XYLT1: variants seen among roughly 807,000 people sequenced by gnomAD.
The protein encoded by XYLT1 is xylosyltransferase 1, also known as beta-D-xylosyltransferase 1.
In XYLT1, 36 loss-of-function variants were observed where a neutral mutation model predicts 91.3. That is an observed-to-expected ratio of 0.39 (90% CI 0.30 to 0.52). The LOEUF is 0.52. Ranked by LOEUF, XYLT1 falls within the 20% of genes least tolerant of loss-of-function variation. The pLI is 0.68. For synonymous variants in XYLT1, 588 were observed against 532.0 expected (o/e 1.11, Z -1.45); for missense variants, 1,242 against 1,284.5 (o/e 0.97, Z 0.51).
chr16:17,286,065 T>C (rs913327610), intron 2 of XYLT1, among the ~76,000 whole-genome samples: 3 of 152,156 alleles, frequency 2.0e-5, no homozygotes, highest in African/African-American at 7.2e-5. Flanking sequence ...AATCACTAAC[T>C]TTCATGATCT....
Position 17,350,808 on chromosome 16 carries a change from C to T in XYLT1, c.402+7204G>A, listed in dbSNP as rs556619623. Reference sequence around the variant, plus strand: ...GGAAAAGGTTAATCGAAGCCCAGAGCCGGAAGAACGGAGAGGAGACAGCAA... The same window carrying T: ...GGAAAAGGTTAATCGAAGCCCAGAGTCGGAAGAACGGAGAGGAGACAGCAA... On this transcript the variant is annotated intron_variant, in intron 2 of 11. Transcript: ENST00000261381. Among the ~76,000 whole-genome samples the T allele has an allele frequency of 2.6e-5, 4 of 152,136 alleles. No homozygotes were observed. The South Asian group carries it at 6.2e-4, about 24-fold the overall frequency.
At chr16:17,453,765 G>T (rs1390137762) in intron 1 of XYLT1, among the ~76,000 whole-genome samples, 1 of 152,142 alleles carries the variant, frequency 6.6e-6, no homozygotes, top group Non-Finnish European at 1.5e-5. Flanking sequence ...ATAAACAGAA[G>T]TCAATCAAAG....
intron 3 of XYLT1, among the ~76,000 whole-genome samples, chr16:17,246,731 G>T (rs1401422596): frequency 3.3e-5 from 5 of 152,302 alleles, no homozygotes; most frequent in Non-Finnish European, 7.4e-5. Context: ...GTGGGTTCTC[G>T]TGTCCTAGCC....
At chr16:17,305,159 C>T (rs1350556683) in intron 2 of XYLT1, among the ~76,000 whole-genome samples, 1 of 152,172 alleles carries the variant, frequency 6.6e-6, no homozygotes, top group South Asian at 2.1e-4. Context: ...AAAGCCATCC[C>T]AGTTCCCCAA....
At chr16:17,169,758 C>T (rs1257574848) in intron 5 of XYLT1, among the ~76,000 whole-genome samples, 1 of 152,184 alleles carries the variant, frequency 6.6e-6, no homozygotes, top group African/African-American at 2.4e-5. Context: ...TGCTTGTCCT[C>T]ACATGCCATG....
At chr16:17,334,800 G>A (rs994368545) in intron 2 of XYLT1, among the ~76,000 whole-genome samples, 10 of 151,504 alleles carry the variant, frequency 6.6e-5, no homozygotes, top group Non-Finnish European at 8.8e-5. Flanking sequence ...GGAGAATGGC[G>A]TGAACCTAGG....
intron 11 of XYLT1, among the ~76,000 whole-genome samples, chr16:17,111,139 G>A (rs1241148026): frequency 2.6e-5 from 4 of 152,094 alleles, no homozygotes; most frequent in Admixed American, 6.5e-5. Flanking sequence ...CAGCCTGGTC[G>A]ATAGAGTGAG....
At chr16:17,117,172 A>T (rs188465798) in intron 11 of XYLT1, among the ~76,000 whole-genome samples, 3 of 152,344 alleles carry the variant, frequency 2.0e-5, no homozygotes, top group Non-Finnish European at 4.4e-5. Context: ...CCAACTTCTG[A>T]TGAATAGCAT....
At position 17,456,256 on chromosome 16, in the gene XYLT1, T is replaced by G. The variant is rs557632638; in HGVS notation, c.363+14178A>C. 4.0e-4 allele frequency among the ~76,000 whole-genome samples: 61 copies of G among 152,020 alleles called. 1 individual carries two copies. Among genetic ancestry groups the G allele is most frequent in the Non-Finnish European group, 7.5e-4 (51 of 67,996 alleles). On this transcript the variant is annotated intron_variant, in intron 1 of 11. Coordinates refer to ENST00000261381, the MANE Select transcript of XYLT1 (RefSeq NM_022166.4). ...CACTCTGTACATTCTATGTGGTGGT[T>G]TGATCTTGGGCAATTCAGTTCACTC... is the stretch of plus-strand genomic sequence containing the variant.
Position 17,134,750 on chromosome 16 carries a change from T to A in XYLT1, c.1765-15A>T, listed in dbSNP as rs772678231. On this transcript the variant is annotated splice_polypyrimidine_tract_variant and intron_variant, in intron 8 of 11. Transcript: ENST00000261381. Reference sequence around the variant, plus strand: ...CGGGCTGTCTGCTGTACTCATGGGATTAAAAATAGAAAAGCCACATCAGCG... The same window carrying A: ...CGGGCTGTCTGCTGTACTCATGGGAATAAAAATAGAAAAGCCACATCAGCG... The A allele has an allele frequency of 1.9e-6, 3 of 1,611,292 alleles. No homozygotes were observed. In the South Asian group the frequency reaches 3.3e-5, roughly 18 times the overall value.
intron 1 of XYLT1, among the ~76,000 whole-genome samples, chr16:17,409,678 T>C (rs1356119933): frequency 6.6e-6 from 1 of 151,464 alleles, no homozygotes; most frequent in Non-Finnish European, 1.5e-5. Flanking sequence ...ACCTCCCGAG[T>C]AGCTGGGAGT....
At position 17,239,758 on chromosome 16, in the gene XYLT1, G is replaced by GTCCA. The variant is rs981267661; in HGVS notation, c.913+19226_913+19229dup. Among the ~76,000 whole-genome samples the GTCCA allele has an allele frequency of 1.5e-3, 227 of 148,984 alleles. 1 individual carries two copies. Among genetic ancestry groups the GTCCA allele is most frequent in the African/African-American group, 5.3e-3 (216 of 40,416 alleles). On this transcript the variant is annotated intron_variant, in intron 3 of 11. Coordinates refer to ENST00000261381, the MANE Select transcript of XYLT1 (RefSeq NM_022166.4). ...TTCCATCCATCCACCCACCCAGCCT[G>GTCCA]TCCATCCATCCATCCACCAACCACC...
chr16:17,344,774 C>T (rs1360365840), intron 2 of XYLT1, among the ~76,000 whole-genome samples: 11 of 151,686 alleles, frequency 7.3e-5, no homozygotes, highest in African/African-American at 2.7e-4. Context: ...GATCTTGGCT[C>T]ACTGCAACCT....
In XYLT1 at chr16:17,299,614, T is replaced by A. The variant is rs142665049; in HGVS notation, c.403-40116A>T. Among the ~76,000 whole-genome samples, 1,067 of 152,030 alleles carry A rather than the reference T, an allele frequency of 7.0e-3. 17 individuals are homozygous for A. Among genetic ancestry groups the A allele is most frequent in the African/African-American group, 0.024 (977 of 41,446 alleles). ...TAGCTGAGGTCGCCATATGTGGGAGTTGATTTAGCCTTGACTCTGCCATAG... is the reference window on the plus strand; with the variant it reads ...TAGCTGAGGTCGCCATATGTGGGAGATGATTTAGCCTTGACTCTGCCATAG... On this transcript the variant is annotated intron_variant, in intron 2 of 11. Coordinates refer to ENST00000261381, the MANE Select transcript of XYLT1 (RefSeq NM_022166.4).
At chr16:17,218,185 G>A (rs936518321) in intron 3 of XYLT1, among the ~76,000 whole-genome samples, 3 of 151,898 alleles carry the variant, frequency 2.0e-5, no homozygotes, top group Non-Finnish European at 4.4e-5. Context: ...TTGAACCCAG[G>A]GGGTGGAGGT....
At chr16:17,345,416 C>A (rs2035130221) in intron 2 of XYLT1, among the ~76,000 whole-genome samples, 1 of 152,210 alleles carries the variant, frequency 6.6e-6, no homozygotes, top group African/African-American at 2.4e-5. Flanking sequence ...AAAGTCTTTG[C>A]CCTCTCTGTG....
chr16:17,231,541 T>A (rs1423152284), intron 3 of XYLT1, among the ~76,000 whole-genome samples: 1 of 152,204 alleles, frequency 6.6e-6, no homozygotes, highest in East Asian at 1.9e-4. Flanking sequence ...AACGATGGGA[T>A]ACATTCCGAG....
chr16:17,194,397 G>T (rs1488468818), intron 5 of XYLT1, among the ~76,000 whole-genome samples: 2 of 152,206 alleles, frequency 1.3e-5, no homozygotes, highest in Non-Finnish European at 2.9e-5. Context: ...GGGCAGCAAT[G>T]CGCATGCCTA....
chr16:17,216,491 A>C (rs1445594661), intron 3 of XYLT1, among the ~76,000 whole-genome samples: 1 of 152,242 alleles, frequency 6.6e-6, no homozygotes, highest in East Asian at 1.9e-4. Flanking sequence ...TATGTTCTGC[A>C]GGTGCCTTCT....
Sources: allele counts gnomAD v4.1 joint callset (sites outside exome capture counted in the v4.1 genomes callset), GRCh38; gene constraint gnomAD v4.1.1; transcripts MANE v1.5; gene names NCBI Gene and HGNC (gene_info 2026-07-23, HGNC 2026-07-21).